The following CNTNAP5 variants were observed in gnomAD, a reference collection of about 807,000 sequenced individuals.
CNTNAP5 encodes contactin associated protein family member 5.
A neutral mutation model predicts 150.2 loss-of-function variants in CNTNAP5; 72 were observed. That is an observed-to-expected ratio of 0.48 (90% CI 0.40 to 0.58). CNTNAP5 has a LOEUF of 0.58. Ranked by LOEUF, CNTNAP5 falls within the 20% of genes least tolerant of loss-of-function variation. CNTNAP5 has a pLI of 0.00. For synonymous variants in CNTNAP5, 672 were observed against 619.8 expected (o/e 1.08, Z -1.25); for missense variants, 1,636 against 1,626.2 (o/e 1.01, Z -0.10).
intron 3 of CNTNAP5, among the ~76,000 whole-genome samples, chr2:124,361,061 A>G (rs1690183427): frequency 7.6e-6 from 1 of 131,132 alleles, no homozygotes; most frequent in East Asian, 2.2e-4. Context: ...CATTCGTTTC[A>G]TCTTCCATTG....
At chr2:124,728,002 CTT>C (rs1262720551) in intron 13 of CNTNAP5, among the ~76,000 whole-genome samples, 1 of 151,860 alleles carries the variant, frequency 6.6e-6, no homozygotes, top group East Asian at 1.9e-4. Context: ...TGTGGAGAGT[CTT>C]TATCATGAAG....
chr2:124,238,571 G>A (rs771794698), intron 2 of CNTNAP5, among the ~76,000 whole-genome samples: 1 of 152,110 alleles, frequency 6.6e-6, no homozygotes, highest in Non-Finnish European at 1.5e-5. Context: ...AAATGCAAGT[G>A]TTCCCTTTAA....
chr2:124,129,799 A>G (rs1683803585), intron 1 of CNTNAP5, among the ~76,000 whole-genome samples: 3 of 152,122 alleles, frequency 2.0e-5, no homozygotes, highest in Admixed American at 1.3e-4. Context: ...TTGCTTTAAA[A>G]TCTCTTTATC....
At chr2:124,574,790 C>A (rs182927546) in intron 11 of CNTNAP5, among the ~76,000 whole-genome samples, 2 of 152,098 alleles carry the variant, frequency 1.3e-5, no homozygotes, top group African/African-American at 4.8e-5. Flanking sequence ...GTGTTCATTC[C>A]GATTCATGCA....
chr2:124,306,605 T>C (rs573547171), intron 3 of CNTNAP5, among the ~76,000 whole-genome samples: 1 of 151,886 alleles, frequency 6.6e-6, no homozygotes, highest in Non-Finnish European at 1.5e-5. Context: ...CTCTAGAGAG[T>C]GTTGAGGTGC....
In CNTNAP5 at chr2:124,563,288, G is replaced by T; in HGVS notation, c.1721G>T (p.Ser574Ile). 1 of 1,575,182 alleles carries T rather than the reference G, an allele frequency of 6.3e-7. No homozygotes were observed. Among genetic ancestry groups the T allele is most frequent in the Admixed American group, 1.9e-5 (1 of 53,820 alleles). The change falls in exon 11 of 24, where the codon AGT (serine) becomes ATT (isoleucine). Residue 574 changes from serine to isoleucine, a missense_variant. Coordinates refer to ENST00000682447, the MANE Select transcript of CNTNAP5 (RefSeq NM_001367498.1). The stretch of plus-strand genomic sequence containing the variant: ...TGGACTACCTTCTATTGTAACTGCA[G>T]TGACACAAGTTACACTGGTGCCACC... The part of the protein sequence containing the change: ...QSWTTFYCNC[S>I]DTSYTGATCH...
intron 3 of CNTNAP5, among the ~76,000 whole-genome samples, chr2:124,341,119 G>GTC (rs968182538): frequency 2.0e-5 from 3 of 151,640 alleles, no homozygotes; most frequent in Non-Finnish European, 2.9e-5. Flanking sequence ...TGTCTGGTGT[G>GTC]TCTCACACAC....
At chr2:124,640,974 A>G (rs995674711) in intron 12 of CNTNAP5, among the ~76,000 whole-genome samples, 7 of 151,882 alleles carry the variant, frequency 4.6e-5, no homozygotes, top group East Asian at 1.9e-4. Context: ...AAAAAATACA[A>G]AATTAGCTGG....
chr2:124,584,409 A>G (rs185137867), intron 11 of CNTNAP5, among the ~76,000 whole-genome samples: 1 of 152,188 alleles, frequency 6.6e-6, no homozygotes, highest in African/African-American at 2.4e-5. Context: ...CGTGATTTGT[A>G]TTTAATCTGG....
At chr2:124,778,124 G>A (rs1681367961) in intron 17 of CNTNAP5, among the ~76,000 whole-genome samples, 1 of 152,170 alleles carries the variant, frequency 6.6e-6, no homozygotes, top group Admixed American at 6.5e-5. Context: ...AGGGGCAATT[G>A]CAGGAAAGAA....
At chr2:124,064,675 A>T (rs1351355313) in intron 1 of CNTNAP5, among the ~76,000 whole-genome samples, 1 of 152,184 alleles carries the variant, frequency 6.6e-6, no homozygotes, top group Non-Finnish European at 1.5e-5. Flanking sequence ...TTATGACTGT[A>T]TCAATAATGT....
intron 13 of CNTNAP5, among the ~76,000 whole-genome samples, chr2:124,649,453 C>G (rs1051324718): frequency 6.6e-6 from 1 of 152,146 alleles, no homozygotes; most frequent in Non-Finnish European, 1.5e-5. Flanking sequence ...TTGAAGGTTT[C>G]GGTTTGGCCG....
intron 1 of CNTNAP5, among the ~76,000 whole-genome samples, chr2:124,185,042 T>C (rs1023784467): frequency 2.6e-5 from 4 of 152,248 alleles, no homozygotes; most frequent in African/African-American, 7.2e-5. Flanking sequence ...GTATCTTCTA[T>C]CTACATCACA....
intron 11 of CNTNAP5, among the ~76,000 whole-genome samples, chr2:124,607,399 A>G (rs1249122610): frequency 6.6e-6 from 1 of 152,100 alleles, no homozygotes; most frequent in Non-Finnish European, 1.5e-5. Context: ...GTTGGCTTCT[A>G]CCACCGTGAG....
intron 3 of CNTNAP5, among the ~76,000 whole-genome samples, chr2:124,375,989 T>C (rs1266717046): frequency 6.6e-6 from 1 of 152,076 alleles, no homozygotes; most frequent in Non-Finnish European, 1.5e-5. Flanking sequence ...GGCCTGCTGT[T>C]CTGCACTGGA....
intron 1 of CNTNAP5, among the ~76,000 whole-genome samples, chr2:124,085,725 ATTT>A (rs1256335610): frequency 6.6e-6 from 1 of 152,106 alleles, no homozygotes; most frequent in East Asian, 1.9e-4. Flanking sequence ...AGTTTGATGT[ATTT>A]TTTATTACAC....
chr2:124,463,886 C>T (rs1024567637), intron 6 of CNTNAP5, among the ~76,000 whole-genome samples: 3 of 151,964 alleles, frequency 2.0e-5, no homozygotes, highest in African/African-American at 7.3e-5. Context: ...AGCTCTTTAC[C>T]TTGTGGCTCC....
At chr2:124,480,642 T>C (rs181872048) in intron 7 of CNTNAP5, among the ~76,000 whole-genome samples, 6 of 152,334 alleles carry the variant, frequency 3.9e-5, no homozygotes, top group Admixed American at 3.9e-4. Flanking sequence ...ATAATCTCTT[T>C]AGCTTGTTTC....
chr2:124,221,660 C>T (rs1686319257), intron 1 of CNTNAP5, 45 bp from the exon 2 acceptor site: 4 of 1,185,594 alleles, frequency 3.4e-6, no homozygotes, highest in South Asian at 2.6e-5. Flanking sequence ...ATGTTTCTTG[C>T]TAATAGAATC....
Sources: gnomAD v4.1 joint callset for allele counts (sites outside exome capture counted in the v4.1 genomes callset) on GRCh38, gnomAD v4.1.1 for gene constraint, MANE v1.5 for transcripts, NCBI Gene and HGNC (gene_info 2026-07-23, HGNC 2026-07-21) for gene names.